Variants in FN1 observed in about 807,000 individuals in gnomAD.
FN1 encodes fibronectin.
FN1 carries 106 observed loss-of-function variants against 297.3 expected under a neutral mutation model. The ratio of observed to expected loss-of-function variants is 0.36; its 90% CI spans 0.30 to 0.42. FN1 has a LOEUF of 0.42. FN1 is among the 10% of genes least tolerant of loss of function. The pLI is 1.00. For synonymous variants in FN1, 1,149 were observed against 1,152.6 expected, an observed-to-expected ratio of 1.00 and a Z score of 0.06; for missense variants, 2,690 against 3,124.9, an observed-to-expected ratio of 0.86 and a Z score of 3.32.
At chr2:215,431,467 G>A (rs953630964) in intron 4 of FN1, among the ~76,000 whole-genome samples, 8 of 152,006 alleles carry the variant, frequency 5.3e-5, no homozygotes, top group African/African-American at 1.9e-4. Context: ...TTTCGGTCCA[G>A]GACATTCCAT....
At chr2:215,391,158 C>G (rs1553619241) in intron 26 of FN1, among the ~76,000 whole-genome samples, 1 of 152,180 alleles carries the variant, frequency 6.6e-6, no homozygotes, top group African/African-American at 2.4e-5. Context: ...TGACTCTCTT[C>G]ACAACAACAT....
At position 215,430,520 on chromosome 2, in the gene FN1, ATATGTTTTTCTATT is replaced by A. The variant is rs563432495; in HGVS notation, c.685+181_685+194del. 5.3e-5 allele frequency among the ~76,000 whole-genome samples: 8 copies of A among 152,298 alleles called. No individual in the cohort carries two copies. In the East Asian group the frequency reaches 1.3e-3, roughly 26 times the overall value. ...GCTGAGATTGAACCTTATCAAAGTG[ATATGTTTTTCTATT>A]TATGTAGTCTTCTCTGAAGATGCGG... On this transcript the variant is annotated intron_variant, in intron 5 of 45. Transcript: ENST00000354785.
intron 26 of FN1, 139 bp downstream of exon 26, chr2:215,391,493 A>G (rs565446165): frequency 8.3e-6 from 6 of 724,360 alleles, no homozygotes; most frequent in Non-Finnish European, 1.2e-5. Context: ...AAATTAATGG[A>G]GCTGTGCATT....
At chr2:215,365,007 A>T in intron 43 of FN1, 22 bp from the exon 44 acceptor site, 1 of 1,446,074 alleles carries the variant, frequency 6.9e-7, no homozygotes, top group Non-Finnish European at 9.5e-7. Flanking sequence ...CACAAGACAG[A>T]TGCACGCATA....
intron 11 of FN1, among the ~76,000 whole-genome samples, chr2:215,420,052 G>A (rs1198249344): frequency 1.3e-5 from 2 of 151,180 alleles, no homozygotes; most frequent in African/African-American, 4.8e-5. Context: ...TTTGAAGGGC[G>A]GCCAAAAAAA....
At chr2:215,403,603 T>C (rs1438763505) in intron 20 of FN1, among the ~76,000 whole-genome samples, 1 of 152,322 alleles carries the variant, frequency 6.6e-6, no homozygotes, top group Middle Eastern at 3.4e-3. Flanking sequence ...TTCTCTGTAA[T>C]GTAAATGGAA....
intron 26 of FN1, among the ~76,000 whole-genome samples, chr2:215,388,909 T>C (rs2059364267): frequency 6.6e-6 from 1 of 152,076 alleles, no homozygotes; most frequent in Admixed American, 6.6e-5. Context: ...ACAGAGAAGT[T>C]ATCTTCTTTA....
intron 24 of FN1, among the ~76,000 whole-genome samples, chr2:215,394,264 C>G (rs2060045763): frequency 6.6e-6 from 1 of 152,202 alleles, no homozygotes; most frequent in East Asian, 1.9e-4. Flanking sequence ...GCAGACAATA[C>G]AGAGTTAAAG....
At chr2:215,400,625 G>A (rs2060880099) in intron 20 of FN1, among the ~76,000 whole-genome samples, 1 of 151,566 alleles carries the variant, frequency 6.6e-6, no homozygotes, top group Admixed American at 6.6e-5. Context: ...GATGGTGGAT[G>A]CCTGTAATCC....
Position 215,425,266 on chromosome 2 carries a change from A to T in FN1, c.864T>A (p.Asp288Glu). Reference sequence around the variant, plus strand: ...GCGGTTGGTAAACAGCTGCACGAACATCGGTGAAGGGGCCAGATCCTAATG... The same window carrying T: ...GCGGTTGGTAAACAGCTGCACGAACTTCGGTGAAGGGGCCAGATCCTAATG... Reference protein sequence around the residue: ...TTSSGSGPFTDVRAAVYQPQP... With the variant: ...TTSSGSGPFTEVRAAVYQPQP... The change falls in exon 7 of 46, where the codon GAT becomes GAA. Residue 288 changes from aspartate (D) to glutamate (E), a missense_variant. Around this residue, in one of 3 missense-constraint regions of FN1, gnomAD observed 876 missense variants for 1,058.1 expected, o/e 0.83. Coordinates refer to ENST00000354785, the MANE Select transcript of FN1 (RefSeq NM_212482.4). The T allele has an allele frequency of 6.2e-7, 1 of 1,614,174 alleles. No homozygotes were observed. Among genetic ancestry groups the T allele is most frequent in the Non-Finnish European group, 8.5e-7 (1 of 1,180,050 alleles).
At position 215,367,959 on chromosome 2, in the gene FN1, C is replaced by T. The variant is rs191304573; in HGVS notation, c.6922G>A (p.Val2308Ile). 61 of 1,614,146 alleles carry T rather than the reference C, an allele frequency of 3.8e-5. No individual in the cohort carries two copies. Among genetic ancestry groups the T allele is most frequent in the Admixed American group, 5.0e-5 (3 of 60,036 alleles). The change falls in exon 42 of 46, where the codon GTT becomes ATT. Residue 2308 changes from valine to isoleucine, a missense_variant. Val to Ile is a conservative substitution (Grantham distance 29). Around this residue, in one of 3 missense-constraint regions of FN1, gnomAD observed 1,743 missense variants for 1,945.2 expected, o/e 0.90. Coordinates refer to ENST00000354785, the MANE Select transcript of FN1 (RefSeq NM_212482.4). ...FDPYTVSHYAVGDEWERMSES... is the reference protein window; with the variant it reads ...FDPYTVSHYAIGDEWERMSES... ...GACATTCGTTCCCACTCATCTCCAA[C>T]GGCATAATGGGAAACTGTGTAGGGG...
rs1319550018 is a variant in FN1 at position 215,360,892 on chromosome 2, T to A, written c.*663A>T. The A allele has an allele frequency of 1.3e-5, 2 of 152,662 alleles. No individual in the cohort carries two copies. Among genetic ancestry groups the A allele is most frequent in the Non-Finnish European group, 2.9e-5 (2 of 68,060 alleles). The allele number at this position is 152,662 out of a possible 1,614,324, so 9.5% of individuals were successfully genotyped here. On this transcript the variant is annotated 3_prime_UTR_variant, in exon 46 of 46. Coordinates refer to ENST00000354785, the MANE Select transcript of FN1 (RefSeq NM_212482.4). ...GAATGTAAATCTTTTATTAAAACAG[T>A]TGTCTTTCCACAGTAGTAAAGCTTT...
In FN1 at chr2:215,394,524, T is replaced by C; in HGVS notation, c.3796+4A>G. On this transcript the variant is annotated splice_donor_region_variant and intron_variant, in intron 24 of 45. Transcript: ENST00000354785. ...CTCAGGATAGCAGCTTATTTTTCTATTACCTGGGATGATGGTATCAGAGAT... is the reference window on the plus strand; with the variant it reads ...CTCAGGATAGCAGCTTATTTTTCTACTACCTGGGATGATGGTATCAGAGAT... 1 of 1,610,052 alleles carries C rather than the reference T, an allele frequency of 6.2e-7. No individual in the cohort carries two copies. The highest frequency in any genetic ancestry group is 8.5e-7 in the Non-Finnish European group (1 of 1,176,636).
rs546122623 is a variant in FN1, at chr2:215,388,441, G to A, written c.4253-140C>T. The A allele has an allele frequency of 1.2e-4, 86 of 712,608 alleles. No homozygotes were observed. The East Asian group carries it at 1.9e-3, about 16-fold the overall frequency. 44.1% of individuals were successfully genotyped at this position (712,608 alleles called of 1,614,324 possible). On this transcript the variant is annotated intron_variant, in intron 26 of 45. Transcript: ENST00000354785. ...CTTACACCTAAGTGAACACTACAGCGAAGTGTTCAGTGAACAGACCTTGAG... is the reference window on the plus strand; with the variant it reads ...CTTACACCTAAGTGAACACTACAGCAAAGTGTTCAGTGAACAGACCTTGAG...
chr2:215,411,284 T>C (rs2062583324), intron 13 of FN1, among the ~76,000 whole-genome samples: 1 of 152,240 alleles, frequency 6.6e-6, no homozygotes. Flanking sequence ...CAAGTGTAAA[T>C]ACTCTAAACT....
At position 215,430,808 on chromosome 2, in the gene FN1, C is replaced by G. The variant is rs561607931; in HGVS notation, c.592G>C (p.Gly198Arg). 2 of 1,613,952 alleles carry G rather than the reference C, an allele frequency of 1.2e-6. No individual in the cohort carries two copies. Among genetic ancestry groups the G allele is most frequent in the Non-Finnish European group, 1.7e-6 (2 of 1,179,952 alleles). The part of the protein sequence containing the change: ...DHAAGTSYVV[G>R]ETWEKPYQGW... ...TGGTAGGGCTTCTCCCACGTTTCTC[C>G]GACCACATAGGAAGTCCCAGCAGCA... The change falls in exon 5 of 46, where the codon GGA (glycine) becomes CGA (arginine). Residue 198 changes from glycine (G) to arginine (R), a missense_variant. Physicochemically the swap from Gly to Arg is moderately radical, Grantham distance 125 (BLOSUM62 -2). Coordinates refer to ENST00000354785, the MANE Select transcript of FN1 (RefSeq NM_212482.4).
chr2:215,361,654 A>T, intron 45 of FN1, 28 bp from the exon 46 acceptor site: 2 of 1,534,960 alleles, frequency 1.3e-6, no homozygotes, highest in Non-Finnish European at 1.8e-6. Context: ...GGAAAAAAAA[A>T]TTAGTGGCAA....
chr2:215,424,419 G>C (rs2064978499), intron 7 of FN1, 94 bp from the exon 8 acceptor site: 2 of 1,025,332 alleles, frequency 2.0e-6, no homozygotes, highest in Non-Finnish European at 3.0e-6. Flanking sequence ...TACTGAGCTT[G>C]TGCCCTCAAA....
At chr2:215,367,683 G>A (rs2054908214) in intron 42 of FN1, 180 bp downstream of exon 42, 1 of 672,192 alleles carries the variant, frequency 1.5e-6, no homozygotes, top group Non-Finnish European at 2.6e-6. Flanking sequence ...TGTCCAACAA[G>A]TAAAATTTCC....
Sources: gnomAD v4.1 joint callset for allele counts (sites outside exome capture counted in the v4.1 genomes callset) on GRCh38, gnomAD v4.1.1 for gene constraint, gnomAD v4.1.1 regional missense constraint, MANE v1.5 for transcripts, NCBI Gene and HGNC (gene_info 2026-07-23, HGNC 2026-07-21) for gene names.